ESYT2: variants seen among roughly 807,000 people sequenced by gnomAD.
ESYT2 encodes extended synaptotagmin-2.
In ESYT2, 54 loss-of-function variants were observed where a neutral mutation model predicts 107.2. The observed-to-expected ratio is 0.50, with a 90% CI of 0.40 to 0.63. The LOEUF is 0.63. ESYT2 is among the 30% of genes least tolerant of loss of function. The pLI is 0.00. For missense variants in ESYT2, 1,020 were observed against 1,094.5 expected (o/e 0.93, Z 0.96); for synonymous variants, 491 against 434.1 (o/e 1.13, Z -1.63).
chr7:158,763,440 A>T (rs951760913), intron 9 of ESYT2, among the ~76,000 whole-genome samples: 8 of 151,942 alleles, frequency 5.3e-5, no homozygotes, highest in African/African-American at 1.9e-4. Flanking sequence ...GATTACAGGC[A>T]TGTGCCACCA....
At chr7:158,760,376 C>T (rs376179847) in intron 11 of ESYT2, among the ~76,000 whole-genome samples, 17 of 152,338 alleles carry the variant, frequency 1.1e-4, no homozygotes, top group East Asian at 3.9e-4. Context: ...ATTCTAAGTG[C>T]TTTACACACA....
intron 1 of ESYT2, among the ~76,000 whole-genome samples, chr7:158,823,576 T>C (rs1212870316): frequency 6.6e-6 from 1 of 152,058 alleles, no homozygotes; most frequent in African/African-American, 2.4e-5. Context: ...TCCACCTGCC[T>C]TGGCCTCCCA....
intron 1 of ESYT2, among the ~76,000 whole-genome samples, chr7:158,819,874 CAAGT>C (rs1461986336): frequency 6.6e-6 from 1 of 152,152 alleles, no homozygotes; most frequent in Non-Finnish European, 1.5e-5. Flanking sequence ...GACAATTTTA[CAAGT>C]AATAAAGAAA....
intron 1 of ESYT2, among the ~76,000 whole-genome samples, chr7:158,822,216 T>C (rs1041540635): frequency 1.1e-4 from 17 of 152,200 alleles, no homozygotes; most frequent in African/African-American, 3.6e-4. Flanking sequence ...AAGACCACAA[T>C]GTATTCTATA....
At chr7:158,763,049 CCCT>C (rs754325410) in intron 10 of ESYT2, 31 bp downstream of exon 10, 9 of 1,512,478 alleles carry the variant, frequency 6.0e-6, no homozygotes, top group Admixed American at 3.4e-5. Context: ...TGACCCCATG[CCCT>C]CCTCCAATAA....
intron 7 of ESYT2, among the ~76,000 whole-genome samples, chr7:158,768,277 C>T (rs1838233770): frequency 6.6e-6 from 1 of 152,118 alleles, no homozygotes; most frequent in Non-Finnish European, 1.5e-5. Flanking sequence ...TACACCAGTC[C>T]CCACTGAAGG....
chr7:158,741,568 G>A lies in ESYT2; in HGVS notation c.2123C>T (p.Pro708Leu). ...TTGCCGCAGCTCCTGGGTGGCGATG[G>A]GCAGCGAGATGTCCGAGGCGATGCT... Reference protein sequence around the residue: ...TPSIASDISLPIATQELRQRL... With the variant: ...TPSIASDISLLIATQELRQRL... Residue 708 changes from proline to leucine, a missense_variant, in exon 18 of 23, where the codon CCC becomes CTC. By Grantham distance (98) the Pro-to-Leu change is moderately conservative. Transcript: ENST00000275418. 1 of 1,604,860 alleles carries A rather than the reference G, an allele frequency of 6.2e-7. No homozygotes were observed. Among genetic ancestry groups the A allele is most frequent in the South Asian group, 1.1e-5 (1 of 90,742 alleles).
chr7:158,809,653 T>G (rs1167701019), intron 1 of ESYT2, among the ~76,000 whole-genome samples: 1 of 152,172 alleles, frequency 6.6e-6, no homozygotes, highest in Non-Finnish European at 1.5e-5. Flanking sequence ...CCCTCTAGGA[T>G]GGTTAAAATA....
chr7:158,787,311 G>C (rs757006733), intron 6 of ESYT2, among the ~76,000 whole-genome samples: 3 of 152,134 alleles, frequency 2.0e-5, no homozygotes, highest in Non-Finnish European at 2.9e-5. Context: ...TTGAGTACTA[G>C]CATCATGCTC....
At position 158,731,235 on chromosome 7, in the gene ESYT2, T is replaced by C. The variant is rs1400582704; in HGVS notation, c.*2972A>G. ...GAAGGGCCGACCTCTTGATAAAGAA[T>C]GTCTGTAAAAGGAATTCTTACCGTG... On this transcript the variant is annotated 3_prime_UTR_variant, in exon 23 of 23. Coordinates refer to ENST00000275418, the MANE Select transcript of ESYT2 (RefSeq NM_001367773.1). 6.6e-6 allele frequency: 1 copy of C among 152,222 alleles called. No homozygotes were observed. Among genetic ancestry groups the C allele is most frequent in the Admixed American group, 6.5e-5 (1 of 15,290 alleles). 9.4% of individuals were successfully genotyped at this position (152,222 alleles called of 1,614,324 possible).
chr7:158,738,334 C>G (rs910284661), intron 19 of ESYT2, among the ~76,000 whole-genome samples: 8 of 57,386 alleles, frequency 1.4e-4, no homozygotes, highest in Non-Finnish European at 2.3e-4. Context: ...AAAATACACA[C>G]ACACACACAG....
At chr7:158,759,412 A>C in intron 13 of ESYT2, 74 bp downstream of exon 13, 1 of 1,193,078 alleles carries the variant, frequency 8.4e-7, no homozygotes, top group African/African-American at 1.5e-5. Context: ...AGAGTGCTGC[A>C]CAAAGCAGTG....
At chr7:158,765,878 T>C (rs886799476) in intron 8 of ESYT2, among the ~76,000 whole-genome samples, 1 of 152,170 alleles carries the variant, frequency 6.6e-6, no homozygotes, top group Non-Finnish European at 1.5e-5. Flanking sequence ...GTAGGAAGCA[T>C]TCTGCCCCCA....
At chr7:158,735,936 A>C (rs1166970255) in intron 20 of ESYT2, among the ~76,000 whole-genome samples, 1 of 152,152 alleles carries the variant, frequency 6.6e-6, no homozygotes, top group Non-Finnish European at 1.5e-5. Context: ...AATGTTGACA[A>C]AACAGCAATT....
rs375992686 is a variant in ESYT2 at position 158,748,276 on chromosome 7, C to T, written c.1562G>A (p.Arg521Gln). The change falls in exon 16 of 23, where the codon CGA becomes CAA. Residue 521 changes from arginine (R) to glutamine (Q), a missense_variant. Physicochemically the swap from Arg to Gln is conservative, Grantham distance 43 (BLOSUM62 1). Transcript: ENST00000275418. ...CCACACAGGTTCATTGGTTTTGTAT[C>T]GAATCTAGAAGAAATATCCAAATTA... Reference protein sequence around the residue: ...VGHKAQESKIRYKTNEPVWEE... With the variant: ...VGHKAQESKIQYKTNEPVWEE... 11 of 1,613,158 alleles carry T rather than the reference C, an allele frequency of 6.8e-6. No individual in the cohort carries two copies. Among genetic ancestry groups the T allele is most frequent in the South Asian group, 4.4e-5 (4 of 91,016 alleles).
At chr7:158,769,518 A>G (rs901222100) in intron 7 of ESYT2, among the ~76,000 whole-genome samples, 1 of 152,222 alleles carries the variant, frequency 6.6e-6, no homozygotes, top group African/African-American at 2.4e-5. Context: ...AGAAGCGTCT[A>G]TTGAAGTGGT....
intron 1 of ESYT2, among the ~76,000 whole-genome samples, chr7:158,799,804 G>C (rs1277342186): frequency 6.6e-6 from 1 of 151,970 alleles, no homozygotes; most frequent in Non-Finnish European, 1.5e-5. Context: ...GTAGGGCCTG[G>C]ATACTGGAGA....
chr7:158,738,329 ACAC>A (rs1837048276), intron 19 of ESYT2, among the ~76,000 whole-genome samples: 2 of 84,816 alleles, frequency 2.4e-5, no homozygotes, highest in African/African-American at 4.8e-5. Flanking sequence ...AAAAAAAAAT[ACAC>A]ACACACACAC....
At chr7:158,772,444 T>C (rs1015580969) in intron 7 of ESYT2, among the ~76,000 whole-genome samples, 10 of 152,230 alleles carry the variant, frequency 6.6e-5, no homozygotes, top group African/African-American at 2.2e-4. Flanking sequence ...AGTTTCATAA[T>C]TTTCTAAACT....
Sources: allele counts gnomAD v4.1 joint callset (sites outside exome capture counted in the v4.1 genomes callset), GRCh38; gene constraint gnomAD v4.1.1; transcripts MANE v1.5; gene names NCBI Gene and HGNC (gene_info 2026-07-23, HGNC 2026-07-21).